POF1B: variants seen among roughly 807,000 people sequenced by gnomAD.
POF1B encodes the protein POF1B actin binding protein.
POF1B carries 53 observed loss-of-function variants against 55.3 expected under a neutral mutation model. The ratio of observed to expected loss-of-function variants is 0.96; its 90% confidence interval spans 0.77 to 1.20. The LOEUF is 1.20. Among genes scored for constraint, POF1B ranks in the 50% most tolerant of loss-of-function variants. The pLI is 0.00. For synonymous variants in POF1B, 188 were observed against 148.3 expected (o/e 1.27, Z -1.95); for missense variants, 478 against 420.5 (o/e 1.14, Z -1.20).
chrX:85,283,330 T>C (rs67168378), intron 15 of POF1B, among the ~76,000 whole-genome samples: 23,484 of 109,106 alleles, frequency 0.22, 2,454 homozygotes, highest in African/African-American at 0.4. Context: ...TAGAAACATA[T>C]AAAATATACA....
intron 9 of POF1B, among the ~76,000 whole-genome samples, chrX:85,314,120 G>T (rs1028752412): frequency 9.1e-6 from 1 of 109,762 alleles, no homozygotes; most frequent in Non-Finnish European, 1.9e-5. Flanking sequence ...TGGTAGGGAA[G>T]AGGGTGGAAT....
intron 3 of POF1B, among the ~76,000 whole-genome samples, chrX:85,360,220 G>C (rs988350559): frequency 9.3e-6 from 1 of 107,086 alleles, no homozygotes; most frequent in East Asian, 3.0e-4. Context: ...GTAAATTCAC[G>C]TCACAGGGGT....
chrX:85,350,393 C>T (rs373551349), intron 5 of POF1B, among the ~76,000 whole-genome samples: 8 of 109,275 alleles, frequency 7.3e-5, no homozygotes, highest in African/African-American at 2.0e-4. Flanking sequence ...TAGTATTCCA[C>T]GGTGTATATG....
chrX:85,353,811 C>A (rs1056051701), intron 4 of POF1B, among the ~76,000 whole-genome samples: 4 of 111,026 alleles, frequency 3.6e-5, no homozygotes, highest in Admixed American at 1.9e-4. Flanking sequence ...AAATGAAGAG[C>A]AAATACAGAA....
At chrX:85,307,392 C>G in intron 10 of POF1B, 116 bp from the exon 11 acceptor site, 1 of 426,862 alleles carries the variant, frequency 2.3e-6, no homozygotes, top group Non-Finnish European at 3.9e-6. Context: ...TTTGTACTTG[C>G]TTAATAAAGC....
At chrX:85,354,899 T>C (rs966128018) in intron 4 of POF1B, among the ~76,000 whole-genome samples, 4 of 111,188 alleles carry the variant, frequency 3.6e-5, no homozygotes, top group Non-Finnish European at 7.6e-5. Flanking sequence ...AGTTTATAGA[T>C]TCAATGCCAT....
intron 15 of POF1B, among the ~76,000 whole-genome samples, chrX:85,300,811 T>A (rs758812902): frequency 2.8e-4 from 31 of 111,864 alleles, no homozygotes; most frequent in Admixed American, 2.3e-3. Flanking sequence ...AGTTGTGGCT[T>A]ATGGAATAAA....
intron 14 of POF1B, 108 bp downstream of exon 14, chrX:85,304,235 T>A (rs1932521087): frequency 6.4e-6 from 5 of 784,930 alleles, no homozygotes; most frequent in African/African-American, 4.4e-5. Flanking sequence ...TTAAATAAAG[T>A]GACTCTTGGA....
intron 2 of POF1B, among the ~76,000 whole-genome samples, chrX:85,375,712 T>G (rs1229696740): frequency 9.0e-6 from 1 of 111,188 alleles, no homozygotes; most frequent in Non-Finnish European, 1.9e-5. Context: ...AGAGAAGAGT[T>G]ATCCACAATC....
intron 4 of POF1B, 111 bp downstream of exon 4, chrX:85,359,433 TTGTAAC>T (rs748882811): frequency 1.7e-4 from 90 of 521,124 alleles, no homozygotes; most frequent in Middle Eastern, 5.5e-4. Flanking sequence ...GCAATTTACT[TTGTAAC>T]TGTAAGAAAG....
chrX:85,293,794 G>T lies in POF1B; in HGVS notation c.1649+9612C>A, dbSNP rs748685712. Among the ~76,000 whole-genome samples the T allele has an allele frequency of 2.7e-5, 3 of 111,167 alleles. No homozygotes were observed. In the South Asian group the frequency reaches 1.2e-3, roughly 43 times the overall value. On this transcript the variant is annotated intron_variant, in intron 15 of 16. Transcript: ENST00000262753. Reference sequence around the variant, plus strand: ...TCAAGACCAGCCTGGCCAACATGGTGAAACCCTGTCTGTACTAAAAATACA... The same window carrying T: ...TCAAGACCAGCCTGGCCAACATGGTTAAACCCTGTCTGTACTAAAAATACA...
intron 4 of POF1B, 27 bp downstream of exon 4, chrX:85,359,523 A>G (rs1933564936): frequency 1.9e-6 from 2 of 1,072,258 alleles, no homozygotes; most frequent in Non-Finnish European, 2.6e-6. Context: ...CTAAAGAATT[A>G]TATGTTGGTA....
rs1353355748 is a variant in POF1B, at chrX:85,305,890, G to A, written c.1338C>T (p.Gly446=). The change falls in exon 13 of 17, where the codon GGC becomes GGT. Residue 446 remains glycine, a synonymous_variant. Transcript: ENST00000262753. ...CATCCATTTTAGCCTGCAACATTGG[G>A]CCTGTGCAAGTCTCAGAAACCTACA... ...LRMQVSETCT[G]PMLQAKMDEI... 2 of 1,208,971 alleles carry A rather than the reference G, an allele frequency of 1.7e-6. No homozygotes were observed. The highest frequency in any genetic ancestry group is 2.2e-6 in the Non-Finnish European group (2 of 894,098).
At chrX:85,341,894 C>T (rs1329823379) in intron 6 of POF1B, among the ~76,000 whole-genome samples, 1 of 111,348 alleles carries the variant, frequency 9.0e-6, no homozygotes, top group Admixed American at 9.6e-5. Context: ...GGCAATAGCA[C>T]TATCCAGGTG....
intron 15 of POF1B, among the ~76,000 whole-genome samples, chrX:85,288,064 A>G (rs1002165288): frequency 2.7e-5 from 3 of 111,992 alleles, no homozygotes; most frequent in Admixed American, 9.5e-5. Flanking sequence ...CAATGATTCA[A>G]TGATTTCACT....
intron 15 of POF1B, among the ~76,000 whole-genome samples, chrX:85,287,723 A>G (rs780939333): frequency 9.0e-6 from 1 of 111,692 alleles, no homozygotes; most frequent in East Asian, 2.8e-4. Context: ...AGTAGGGCAT[A>G]CTTCTCAACT....
At chrX:85,339,959 C>T (rs868647049) in intron 6 of POF1B, among the ~76,000 whole-genome samples, 16 of 110,748 alleles carry the variant, frequency 1.4e-4, no homozygotes, top group African/African-American at 5.3e-4. Flanking sequence ...GATTATCAGG[C>T]CCCAGCAATC....
chrX:85,311,384 G>A (rs1056747232), intron 9 of POF1B, among the ~76,000 whole-genome samples: 1 of 108,803 alleles, frequency 9.2e-6, no homozygotes. Context: ...AGGCCCCAGT[G>A]TGTGATGTTC....
chrX:85,301,228 A>T (rs936986497), intron 15 of POF1B, among the ~76,000 whole-genome samples: 2 of 111,874 alleles, frequency 1.8e-5, no homozygotes, highest in Non-Finnish European at 3.8e-5. Flanking sequence ...CAAGGGCCAT[A>T]GAAAAAAATA....
Sources: gnomAD v4.1 joint callset for allele counts (sites outside exome capture counted in the v4.1 genomes callset) on GRCh38, gnomAD v4.1.1 for gene constraint, MANE v1.5 for transcripts, NCBI Gene and HGNC (gene_info 2026-07-23, HGNC 2026-07-21) for gene names.